The following KDM1B variants were observed in gnomAD, a reference collection of about 807,000 sequenced individuals.
KDM1B encodes lysine-specific histone demethylase 2.
A neutral mutation model predicts 107.4 loss-of-function variants in KDM1B; 63 were observed. The ratio of observed to expected loss-of-function variants is 0.59; its 90% CI spans 0.48 to 0.72. KDM1B has a LOEUF of 0.72. Among genes scored for constraint, KDM1B ranks in the 30% least tolerant of loss-of-function variants. The pLI is 0.00. For missense variants in KDM1B, 749 were observed against 1,020.8 expected (o/e 0.73, Z 3.63); for synonymous variants, 363 against 363.9 (o/e 1.00, Z 0.03).
At position 18,203,483 on chromosome 6, in the gene KDM1B, A is replaced by G. The variant is rs9465115; in HGVS notation, c.1531+1826A>G. ...TACCAGCACAAAGCTGGGGAAACTC[A>G]AATCTAAATACTAAGGGACTAGATT... On this transcript the variant is annotated intron_variant, in intron 14 of 21. Coordinates refer to ENST00000650836, the MANE Select transcript of KDM1B (RefSeq NM_001364614.2). This position sits in a 1 kb window ranked among gnomAD's most constrained non-coding sequence, Gnocchi z 5.5. Among the ~76,000 whole-genome samples, 20,176 of 152,144 alleles carry G rather than the reference A, an allele frequency of 0.13. 3,512 individuals carry two copies. The highest frequency in any genetic ancestry group is 0.4 in the African/African-American group (16,675 of 41,426).
At chr6:18,166,141 AC>A in intron 5 of KDM1B, 125 bp from the exon 6 acceptor site, 1 of 581,778 alleles carries the variant, frequency 1.7e-6, no homozygotes, top group Non-Finnish European at 3.1e-6. Flanking sequence ...AACTTTCTCT[AC>A]TTTTATAACA....
intron 10 of KDM1B, among the ~76,000 whole-genome samples, chr6:18,192,024 T>TGA (rs1307139916): frequency 7.9e-5 from 12 of 152,122 alleles, no homozygotes; most frequent in African/African-American, 2.7e-4. Context: ...TTTGGGAGGC[T>TGA]GAGGCAGGAG....
chr6:18,210,793 G>A (rs1480522083), intron 17 of KDM1B, among the ~76,000 whole-genome samples: 2 of 152,116 alleles, frequency 1.3e-5, no homozygotes, highest in Non-Finnish European at 2.9e-5. Flanking sequence ...GAGGCCAGGA[G>A]TTTGAGACCA....
intron 21 of KDM1B, among the ~76,000 whole-genome samples, chr6:18,221,513 C>A (rs1386326141): frequency 6.6e-6 from 1 of 152,152 alleles, no homozygotes; most frequent in Non-Finnish European, 1.5e-5. Context: ...AACTCTCTAC[C>A]TATTTTTTTA....
chr6:18,171,393 T>G lies in KDM1B; in HGVS notation c.448T>G (p.Trp150Gly). ...GTGTACAAAACCTGAGTGTAGAAAATGGAGGCAGCTTACCAAGGAAATCCA... is the reference window on the plus strand; with the variant it reads ...GTGTACAAAACCTGAGTGTAGAAAAGGGAGGCAGCTTACCAAGGAAATCCA... The part of the protein sequence containing the change: ...VQCTKPECRK[W>G]RQLTKEIQLT... The change falls in exon 7 of 22, where the codon TGG becomes GGG. Residue 150 changes from tryptophan (W) to glycine (G), a missense_variant. Physicochemically the swap from Trp to Gly is radical, Grantham distance 184 (BLOSUM62 -2). Transcript: ENST00000650836. 6.2e-7 allele frequency: 1 copy of G among 1,612,040 alleles called. No homozygotes were observed. Among genetic ancestry groups the G allele is most frequent in the Non-Finnish European group, 8.5e-7 (1 of 1,178,204 alleles).
At chr6:18,206,237 T>A (rs895485705) in intron 15 of KDM1B, among the ~76,000 whole-genome samples, 4 of 151,594 alleles carry the variant, frequency 2.6e-5, no homozygotes, top group Non-Finnish European at 5.9e-5. Flanking sequence ...AGGAAGAGGC[T>A]GGGTGCAGTG....
intron 5 of KDM1B, among the ~76,000 whole-genome samples, chr6:18,165,240 T>C (rs767285527): frequency 1.3e-4 from 19 of 142,976 alleles, no homozygotes; most frequent in Non-Finnish European, 2.6e-4. Context: ...TTCACACCAT[T>C]CTGCCTCAGC....
In KDM1B at chr6:18,223,727, G is replaced by GT. The variant is rs1235230932; in HGVS notation, c.*1741dup. On this transcript the variant is annotated 3_prime_UTR_variant, in exon 22 of 22. Coordinates refer to ENST00000650836, the MANE Select transcript of KDM1B (RefSeq NM_001364614.2). ...TTTTTTCTTGAGTTACTTTGGATAT[G>GT]TTTTTTCAATGCCATCTGAAGATTT... The GT allele has an allele frequency of 6.6e-6, 1 of 152,076 alleles. No individual in the cohort carries two copies. The highest frequency in any genetic ancestry group is 2.1e-4 in the South Asian group (1 of 4,830). 9.4% of individuals were successfully genotyped at this position (152,076 alleles called of 1,614,324 possible). A position where few individuals can be genotyped will look rare whatever the true frequency, so the allele number is the denominator to read the frequency against.
intron 12 of KDM1B, among the ~76,000 whole-genome samples, chr6:18,198,417 C>T (rs566906026): frequency 2.0e-5 from 3 of 150,126 alleles, no homozygotes; most frequent in East Asian, 2.0e-4. Context: ...TTGGTAGAGA[C>T]GGGATTTCAC....
intron 17 of KDM1B, among the ~76,000 whole-genome samples, chr6:18,208,623 A>ATT (rs1788575332): frequency 8.1e-5 from 3 of 37,072 alleles, no homozygotes; most frequent in East Asian, 1.0e-3. Flanking sequence ...ATATATATAT[A>ATT]TATATTTTTT....
chr6:18,167,303 G>A (rs1009529144), intron 6 of KDM1B, among the ~76,000 whole-genome samples: 1 of 151,820 alleles, frequency 6.6e-6, no homozygotes, highest in African/African-American at 2.4e-5. Flanking sequence ...GTTGCAATGA[G>A]CTGAGATCGT....
At chr6:18,188,068 T>G in intron 9 of KDM1B, 66 bp downstream of exon 9, 1 of 1,374,390 alleles carries the variant, frequency 7.3e-7, no homozygotes. Context: ...AACGTGTGAG[T>G]GAGCAAAACG....
chr6:18,168,756 A>G (rs1232217992), intron 6 of KDM1B, among the ~76,000 whole-genome samples: 1 of 152,188 alleles, frequency 6.6e-6, no homozygotes, highest in Non-Finnish European at 1.5e-5. Flanking sequence ...TTGAAGTGGT[A>G]TCTCATGGTG....
Position 18,203,709 on chromosome 6 carries a change from C to T in KDM1B, c.1532-1828C>T, listed in dbSNP as rs1788191364. ...CTCTACTAATAATACAAAAATTAGTCGAGCATGGTGGTGCATGCCTGTAAT... is the reference window on the plus strand; with the variant it reads ...CTCTACTAATAATACAAAAATTAGTTGAGCATGGTGGTGCATGCCTGTAAT... On this transcript the variant is annotated intron_variant, in intron 14 of 21. Coordinates refer to ENST00000650836, the MANE Select transcript of KDM1B (RefSeq NM_001364614.2). The surrounding 1 kb of genome is among the most constrained non-coding windows in gnomAD (Gnocchi z 5.5). Among the ~76,000 whole-genome samples the T allele has an allele frequency of 3.9e-5, 6 of 151,910 alleles. No homozygotes were observed. The South Asian group carries it at 8.3e-4, about 21-fold the overall frequency.
rs916149576 is a variant in KDM1B at position 18,209,549 on chromosome 6, A to G, written c.1866+1343A>G. Among the ~76,000 whole-genome samples the G allele has an allele frequency of 2.0e-5, 3 of 152,188 alleles. No individual in the cohort carries two copies. The highest frequency in any genetic ancestry group is 6.5e-5 in the Admixed American group (1 of 15,278). On this transcript the variant is annotated intron_variant, in intron 17 of 21. Transcript: ENST00000650836. This position sits in a 1 kb window ranked among gnomAD's most constrained non-coding sequence, Gnocchi z 4.3. ...CGTCGGAACCACCTGGGAGGCGCTT[A>G]CAAAGAAAGGCTGGAAAGCCCCACC...
In KDM1B at chr6:18,205,973, T is replaced by C. The variant is rs1173816255; in HGVS notation, c.1659+309T>C. Among the ~76,000 whole-genome samples the C allele has an allele frequency of 6.7e-6, 1 of 149,736 alleles. No homozygotes were observed. Among genetic ancestry groups the C allele is most frequent in the Non-Finnish European group, 1.5e-5 (1 of 67,986 alleles). ...CGCCACTGCACTCCAGCCTGGAGTC[T>C]CAAAATAAATAAATAAATAAAATAC... On this transcript the variant is annotated intron_variant, in intron 15 of 21. Transcript: ENST00000650836. The surrounding 1 kb of genome is among the most constrained non-coding windows in gnomAD (Gnocchi z 5.7).
Position 18,211,136 on chromosome 6 carries a change from T to TG in KDM1B, c.1867-1351dup, listed in dbSNP as rs1788824500. Among the ~76,000 whole-genome samples, 1 of 151,648 alleles carries TG rather than the reference T, an allele frequency of 6.6e-6. No homozygotes were observed. The highest frequency in any genetic ancestry group is 6.6e-5 in the Admixed American group (1 of 15,262). On this transcript the variant is annotated intron_variant, in intron 17 of 21. Coordinates refer to ENST00000650836, the MANE Select transcript of KDM1B (RefSeq NM_001364614.2). The surrounding 1 kb of genome is among the most constrained non-coding windows in gnomAD (Gnocchi z 5.2). ...TATAAATAGATTATAAACTTCTTGA[T>TG]GATAGAGAGCATATTTTATACTTTA...
Position 18,187,521 on chromosome 6 carries a change from G to C in KDM1B, c.574-271G>C, listed in dbSNP as rs76118318. The stretch of plus-strand genomic sequence containing the variant: ...GCTTTCAGACTCACCTGGCATTGGG[G>C]AGCTTATTTTGGGGGAGGGATAAGG... On this transcript the variant is annotated intron_variant, in intron 8 of 21. Coordinates refer to ENST00000650836, the MANE Select transcript of KDM1B (RefSeq NM_001364614.2). Among the ~76,000 whole-genome samples, 1,404 of 152,218 alleles carry C rather than the reference G, an allele frequency of 9.2e-3. 19 individuals are homozygous for C. The highest frequency in any genetic ancestry group is 0.031 in the African/African-American group (1,275 of 41,508).
rs751615354 is a variant in KDM1B at position 18,215,120 on chromosome 6, C to G, written c.2223C>G (p.Phe741Leu). The change falls in exon 20 of 22, where the codon TTC (phenylalanine) becomes TTG (leucine). Residue 741 changes from phenylalanine (F) to leucine (L), a missense_variant. Phe to Leu is a conservative substitution (Grantham distance 22, BLOSUM62 0). Transcript: ENST00000650836. ...GCATGGCCACGCTCCGGGAGCTGTTCAAGGAGCAGGTGAGAGAGAGGAAGC... is the reference window on the plus strand; with the variant it reads ...GCATGGCCACGCTCCGGGAGCTGTTGAAGGAGCAGGTGAGAGAGAGGAAGC... ...QQCMATLREL[F>L]KEQEVPDPTK... The G allele has an allele frequency of 9.3e-6, 15 of 1,612,276 alleles. No homozygotes were observed. In the South Asian group the frequency reaches 1.4e-4, roughly 15 times the overall value.
Sources: gnomAD v4.1 joint callset for allele counts (sites outside exome capture counted in the v4.1 genomes callset) on GRCh38, gnomAD v4.1.1 for gene constraint, Gnocchi (gnomAD v3.1) non-coding constraint, MANE v1.5 for transcripts, NCBI Gene and HGNC (gene_info 2026-07-23, HGNC 2026-07-21) for gene names.